Variants in CNTLN observed in about 807,000 individuals in gnomAD.
CNTLN encodes the protein centlein.
In CNTLN, 212 loss-of-function variants were observed where a neutral mutation model predicts 180.0. The ratio of observed to expected loss-of-function variants is 1.18; its 90% CI spans 1.05 to 1.32. The LOEUF is 1.32. CNTLN is among the 40% of genes most tolerant of loss of function. The pLI, the probability that CNTLN is intolerant of heterozygous loss-of-function variation, is 0.00. For missense variants in CNTLN, 2,095 were observed against 1,610.9 expected (o/e 1.30, Z -5.14); for synonymous variants, 722 against 563.1 (o/e 1.28, Z -3.99).
intron 23 of CNTLN, among the ~76,000 whole-genome samples, chr9:17,477,155 AT>A (rs1832395280): frequency 6.6e-6 from 1 of 152,198 alleles, no homozygotes; most frequent in Non-Finnish European, 1.5e-5. Flanking sequence ...TTTACTGAAT[AT>A]TTTAGGCCCA....
At chr9:17,294,818 A>T (rs1171029031) in intron 6 of CNTLN, among the ~76,000 whole-genome samples, 1 of 14,230 alleles carries the variant, frequency 7.0e-5, no homozygotes, top group Admixed American at 7.4e-4. Context: ...GAGTGGGCGA[A>T]GGGGGGAGGG....
In CNTLN at chr9:17,214,231, G is replaced by C. The variant is rs192471077; in HGVS notation, c.450-11972G>C. 8.0e-4 allele frequency among the ~76,000 whole-genome samples: 121 copies of C among 152,176 alleles called. 2 individuals are homozygous for C. The highest frequency in any genetic ancestry group is 2.3e-3 in the African/African-American group (97 of 41,528). On this transcript the variant is annotated intron_variant, in intron 2 of 25. Coordinates refer to ENST00000380647, the MANE Select transcript of CNTLN (RefSeq NM_017738.4). ...CCATGTTTAGTGCTTCCTTCAGGAG[G>C]TCTTGTAGGGCAGGCCTGGTGGTGA...
chr9:17,365,691 G>C (rs1236558024), intron 12 of CNTLN, among the ~76,000 whole-genome samples: 6 of 152,114 alleles, frequency 3.9e-5, no homozygotes, highest in Non-Finnish European at 4.4e-5. Context: ...CGGGTGTTGT[G>C]GCTCATGCCT....
intron 13 of CNTLN, among the ~76,000 whole-genome samples, chr9:17,368,316 G>A (rs1033373354): frequency 6.6e-6 from 1 of 152,174 alleles, no homozygotes; most frequent in African/African-American, 2.4e-5. Flanking sequence ...TTGAGTGCCA[G>A]CTCAGCTGCA....
At chr9:17,224,509 C>G (rs1824339611) in intron 2 of CNTLN, among the ~76,000 whole-genome samples, 1 of 151,952 alleles carries the variant, frequency 6.6e-6, no homozygotes, top group African/African-American at 2.4e-5. Flanking sequence ...TTGGAGTTTC[C>G]CAAAGAAACT....
chr9:17,469,571 T>C (rs187105172), intron 23 of CNTLN, among the ~76,000 whole-genome samples: 39 of 151,910 alleles, frequency 2.6e-4, no homozygotes, highest in African/African-American at 8.9e-4. Flanking sequence ...CCTTAACTAC[T>C]ACCACATTAG....
At chr9:17,254,994 T>C (rs1826386434) in intron 5 of CNTLN, among the ~76,000 whole-genome samples, 1 of 151,808 alleles carries the variant, frequency 6.6e-6, no homozygotes. Flanking sequence ...TGTACAAGTC[T>C]TTCACCCCCT....
intron 2 of CNTLN, among the ~76,000 whole-genome samples, chr9:17,201,494 T>C (rs1227704485): frequency 6.6e-6 from 1 of 152,186 alleles, no homozygotes; most frequent in East Asian, 1.9e-4. Flanking sequence ...AGGCTATTAA[T>C]TGCTGCCTCA....
chr9:17,481,124 C>A (rs1832623604), intron 23 of CNTLN, among the ~76,000 whole-genome samples: 1 of 152,126 alleles, frequency 6.6e-6, no homozygotes, highest in Non-Finnish European at 1.5e-5. Flanking sequence ...AACTGTGGGG[C>A]ACAGTCTGGA....
chr9:17,151,215 G>T (rs770228009), intron 2 of CNTLN, among the ~76,000 whole-genome samples: 10 of 152,164 alleles, frequency 6.6e-5, no homozygotes, highest in Non-Finnish European at 1.5e-4. Flanking sequence ...GGGCATCCTT[G>T]TCTTATGCTG....
At chr9:17,405,822 C>T (rs1383609012) in intron 15 of CNTLN, among the ~76,000 whole-genome samples, 2 of 151,376 alleles carry the variant, frequency 1.3e-5, no homozygotes. Flanking sequence ...GAGTTTTGCT[C>T]CTGTTGCCCT....
intron 7 of CNTLN, chr9:17,299,767 A>G (rs1818217904): frequency 1.0e-6 from 1 of 982,856 alleles, no homozygotes; most frequent in Non-Finnish European, 1.2e-6. Context: ...ATTGTTATTA[A>G]TACTAATTAA....
intron 12 of CNTLN, among the ~76,000 whole-genome samples, chr9:17,354,091 G>A (rs922110932): frequency 2.6e-5 from 4 of 152,228 alleles, no homozygotes; most frequent in African/African-American, 7.2e-5. Context: ...CAGTGGCTGC[G>A]GAGGGTGTAC....
intron 5 of CNTLN, among the ~76,000 whole-genome samples, chr9:17,246,530 C>A (rs1230087583): frequency 6.6e-6 from 1 of 152,270 alleles, no homozygotes; most frequent in Non-Finnish European, 1.5e-5. Context: ...CACTAAGGCC[C>A]ATGGATACCA....
chr9:17,507,552 C>A (rs543511226), downstream of CNTLN, among the ~76,000 whole-genome samples: 1 of 152,080 alleles, frequency 6.6e-6, no homozygotes, highest in Non-Finnish European at 1.5e-5. Flanking sequence ...GTTTTTAGTT[C>A]GAAGAGTTGC....
chr9:17,471,187 A>G (rs977392691), intron 23 of CNTLN, among the ~76,000 whole-genome samples: 50 of 152,192 alleles, frequency 3.3e-4, no homozygotes, highest in African/African-American at 1.2e-3. Context: ...CCCAAAAACC[A>G]TGATGGGAAG....
At chr9:17,406,730 C>T (rs2080798861) in intron 15 of CNTLN, among the ~76,000 whole-genome samples, 1 of 151,702 alleles carries the variant, frequency 6.6e-6, no homozygotes, top group African/African-American at 2.4e-5. Context: ...ATTTGTTCAT[C>T]AATTCTTTCA....
chr9:17,335,709 G>A (rs1485982388), intron 10 of CNTLN, among the ~76,000 whole-genome samples: 2 of 151,962 alleles, frequency 1.3e-5, no homozygotes, highest in Non-Finnish European at 1.5e-5. Context: ...AGGCTGAGGT[G>A]GGTGCATAAC....
At chr9:17,206,724 G>A (rs1362301631) in intron 2 of CNTLN, among the ~76,000 whole-genome samples, 6 of 152,174 alleles carry the variant, frequency 3.9e-5, no homozygotes, top group Non-Finnish European at 7.4e-5. Context: ...CACAAACAGT[G>A]GTCACCAAGT....
Sources: allele counts gnomAD v4.1 joint callset (sites outside exome capture counted in the v4.1 genomes callset), GRCh38; gene constraint gnomAD v4.1.1; transcripts MANE v1.5; gene names NCBI Gene and HGNC (gene_info 2026-07-23, HGNC 2026-07-21).